The following MTUS2 variants were observed in gnomAD, a reference collection of about 807,000 sequenced individuals.
MTUS2 encodes microtubule-associated tumor suppressor candidate 2.
Under a neutral mutation model 114.1 loss-of-function variants are expected in MTUS2, and 40 were observed. The observed-to-expected ratio is 0.35, with a 90% confidence interval of 0.27 to 0.46. The LOEUF is 0.46. MTUS2 is among the 20% of genes least tolerant of loss of function. The pLI is 1.00. For synonymous variants in MTUS2, 688 were observed against 672.0 expected, an observed-to-expected ratio of 1.02 and a Z score of -0.37; for missense variants, 1,679 against 1,705.4, an observed-to-expected ratio of 0.98 and a Z score of 0.27.
chr13:29,361,210 G>C (rs982921681), intron 8 of MTUS2, among the ~76,000 whole-genome samples: 3 of 152,308 alleles, frequency 2.0e-5, no homozygotes, highest in Admixed American at 2.0e-4. Context: ...GCTGGCAGGT[G>C]ATTTGCAGGC....
chr13:28,933,220 G>C (rs907903361), intron 2 of MTUS2, among the ~76,000 whole-genome samples: 1 of 151,816 alleles, frequency 6.6e-6, no homozygotes, highest in Non-Finnish European at 1.5e-5. Flanking sequence ...TGATTGTGAG[G>C]GCTGGCAAGT....
At chr13:29,472,095 G>A (rs918765141) in intron 9 of MTUS2, among the ~76,000 whole-genome samples, 1 of 152,096 alleles carries the variant, frequency 6.6e-6, no homozygotes, top group Non-Finnish European at 1.5e-5. Context: ...CATGATCTCG[G>A]CTCACTGTAA....
chr13:28,915,040 T>C (rs2138029120), intron 2 of MTUS2, among the ~76,000 whole-genome samples: 1 of 152,084 alleles, frequency 6.6e-6, no homozygotes, highest in African/African-American at 2.4e-5. Context: ...CTCGACTCTA[T>C]CCAGCTTGCC....
chr13:29,018,563 TCAGC>T (rs1201607492), intron 2 of MTUS2, among the ~76,000 whole-genome samples: 1 of 152,094 alleles, frequency 6.6e-6, no homozygotes, highest in Non-Finnish European at 1.5e-5. Flanking sequence ...TCACCTGTGG[TCAGC>T]CTGGCCATCA....
At chr13:29,419,778 G>A (rs1875943269) in intron 8 of MTUS2, among the ~76,000 whole-genome samples, 1 of 152,136 alleles carries the variant, frequency 6.6e-6, no homozygotes, top group Non-Finnish European at 1.5e-5. Flanking sequence ...CGTTATTTAG[G>A]CAACACTTGA....
At chr13:29,168,660 G>A (rs1306484037) in intron 5 of MTUS2, among the ~76,000 whole-genome samples, 2 of 152,128 alleles carry the variant, frequency 1.3e-5, no homozygotes, top group Non-Finnish European at 2.9e-5. Flanking sequence ...TGGGATAGGC[G>A]TTCAAATGTG....
intron 4 of MTUS2, among the ~76,000 whole-genome samples, chr13:29,036,518 A>G (rs1177574067): frequency 6.6e-6 from 1 of 152,180 alleles, no homozygotes; most frequent in Non-Finnish European, 1.5e-5. Context: ...GTAGATGTCT[A>G]TTAAGTTGGC....
At chr13:29,368,224 C>T (rs1039242512) in intron 8 of MTUS2, among the ~76,000 whole-genome samples, 2 of 151,782 alleles carry the variant, frequency 1.3e-5, no homozygotes, top group African/African-American at 4.8e-5. Context: ...GGGCGTGAGC[C>T]ACTGCACCCA....
At chr13:29,234,882 G>A (rs1489418051) in intron 5 of MTUS2, among the ~76,000 whole-genome samples, 2 of 151,772 alleles carry the variant, frequency 1.3e-5, no homozygotes, top group Non-Finnish European at 2.9e-5. Flanking sequence ...AGTCTCTTAT[G>A]TTTTCAGTTA....
At chr13:29,308,314 C>T (rs1899578687) in intron 6 of MTUS2, among the ~76,000 whole-genome samples, 1 of 152,140 alleles carries the variant, frequency 6.6e-6, no homozygotes, top group Non-Finnish European at 1.5e-5. Flanking sequence ...GAAAGGATTC[C>T]CTATTTAATA....
intron 8 of MTUS2, among the ~76,000 whole-genome samples, chr13:29,400,209 G>T (rs1233585069): frequency 6.6e-6 from 1 of 152,218 alleles, no homozygotes; most frequent in Non-Finnish European, 1.5e-5. Context: ...ACTTGAAAAT[G>T]AGGAAAATAA....
At chr13:28,845,925 A>G (rs1331044011) in intron 2 of MTUS2, among the ~76,000 whole-genome samples, 1 of 151,994 alleles carries the variant, frequency 6.6e-6, no homozygotes. Flanking sequence ...TGCCTGCCAC[A>G]AAGTAAATGT....
Position 28,906,275 on chromosome 13 carries a change from G to A in MTUS2, c.-243+66425G>A, listed in dbSNP as rs192815536. Among the ~76,000 whole-genome samples, 72 of 151,216 alleles carry A rather than the reference G, an allele frequency of 4.8e-4. 2 individuals carry two copies. In the East Asian group the frequency reaches 0.013, roughly 27 times the overall value. ...TTCCTTCAGTTCTGCTCTGATTTTA[G>A]TTATTTCTTGCCTTCTGCTAGCTTT... On this transcript the variant is annotated intron_variant, in intron 2 of 15. Coordinates refer to ENST00000612955, the MANE Select transcript of MTUS2 (RefSeq NM_001033602.4).
intron 5 of MTUS2, among the ~76,000 whole-genome samples, chr13:29,200,085 C>T (rs1006717386): frequency 1.3e-5 from 2 of 151,632 alleles, no homozygotes; most frequent in African/African-American, 4.9e-5. Context: ...CTCTTTTCTT[C>T]TTTATTATTC....
chr13:29,082,521 C>T (rs1217960837), intron 4 of MTUS2, among the ~76,000 whole-genome samples: 1 of 152,202 alleles, frequency 6.6e-6, no homozygotes, highest in African/African-American at 2.4e-5. Flanking sequence ...CCTCCTCCAG[C>T]ACTGTGGCAT....
chr13:29,016,370 G>A (rs1482226171), intron 2 of MTUS2, among the ~76,000 whole-genome samples: 11 of 150,112 alleles, frequency 7.3e-5, no homozygotes, highest in African/African-American at 2.7e-4. Flanking sequence ...TTTTTTTAAG[G>A]GTATGCTTGA....
chr13:29,497,957 T>C (rs922785917), intron 13 of MTUS2, among the ~76,000 whole-genome samples: 3 of 152,238 alleles, frequency 2.0e-5, no homozygotes, highest in Non-Finnish European at 4.4e-5. Context: ...ACATGACTTT[T>C]TCTAAAATGG....
At chr13:29,461,662 TCAGGCAGAGTACTATCAG>T (rs143616346) in intron 9 of MTUS2, among the ~76,000 whole-genome samples, 2,774 of 152,188 alleles carry the variant, frequency 0.018, 70 homozygotes, top group African/African-American at 0.062. Context: ...CTCCAGAATA[TCAGGCAGAGTACTATCAG>T]CAGGCAGAAA....
chr13:29,033,486 T>TA (rs1886920385), intron 3 of MTUS2, among the ~76,000 whole-genome samples: 1 of 152,188 alleles, frequency 6.6e-6, no homozygotes, highest in Admixed American at 6.5e-5. Context: ...TCATACAACT[T>TA]ACAGCTTTTT....
Sources: gnomAD v4.1 joint callset for allele counts (sites outside exome capture counted in the v4.1 genomes callset) on GRCh38, gnomAD v4.1.1 for gene constraint, MANE v1.5 for transcripts, NCBI Gene and HGNC (gene_info 2026-07-23, HGNC 2026-07-21) for gene names.